ADARB2: variants seen among roughly 807,000 people sequenced by gnomAD.
The protein encoded by ADARB2 is adenosine deaminase RNA specific B2 (inactive).
A neutral mutation model predicts 62.2 loss-of-function variants in ADARB2; 25 were observed. The ratio of observed to expected loss-of-function variants is 0.40; its 90% confidence interval spans 0.29 to 0.56. ADARB2 has a LOEUF of 0.56. Among genes scored for constraint, ADARB2 ranks in the 20% least tolerant of loss-of-function variants. The pLI is 0.43. For missense variants in ADARB2, 1,071 were observed against 1,077.4 expected (o/e 0.99, Z 0.08); for synonymous variants, 572 against 500.8 (o/e 1.14, Z -1.90).
intron 1 of ADARB2, among the ~76,000 whole-genome samples, chr10:1,558,710 G>A (rs1326428602): frequency 1.4e-5 from 2 of 144,548 alleles, no homozygotes; most frequent in African/African-American, 5.2e-5. Context: ...CCCCTTCTGT[G>A]GGTGCTCAGC....
intron 1 of ADARB2, among the ~76,000 whole-genome samples, chr10:1,511,146 G>C (rs1831931610): frequency 6.6e-6 from 1 of 151,762 alleles, no homozygotes; most frequent in South Asian, 2.1e-4. Flanking sequence ...CCTGGCTCCT[G>C]TTCTATTGCT....
At chr10:1,249,717 T>C (rs901153936) in intron 4 of ADARB2, among the ~76,000 whole-genome samples, 7 of 151,962 alleles carry the variant, frequency 4.6e-5, no homozygotes, top group African/African-American at 9.7e-5. Flanking sequence ...GCTGCAGCCA[T>C]TGACGAGCAC....
intron 1 of ADARB2, among the ~76,000 whole-genome samples, chr10:1,628,397 A>C (rs1833799073): frequency 6.6e-6 from 1 of 152,230 alleles, no homozygotes; most frequent in Non-Finnish European, 1.5e-5. Flanking sequence ...GTGTGGCTCT[A>C]AGTGATGCTT....
intron 1 of ADARB2, among the ~76,000 whole-genome samples, chr10:1,624,164 G>A (rs1833739978): frequency 1.3e-5 from 2 of 152,148 alleles, no homozygotes; most frequent in Admixed American, 1.3e-4. Flanking sequence ...AGCCCAGGAG[G>A]CTGAGACCCC....
intron 1 of ADARB2, among the ~76,000 whole-genome samples, chr10:1,434,261 C>T (rs1477438020): frequency 2.0e-5 from 3 of 152,280 alleles, no homozygotes; most frequent in Admixed American, 6.5e-5. Context: ...ATGAGAAATT[C>T]CACATTAACT....
At chr10:1,520,400 C>T (rs890918953) in intron 1 of ADARB2, among the ~76,000 whole-genome samples, 6 of 152,132 alleles carry the variant, frequency 3.9e-5, no homozygotes, top group African/African-American at 9.7e-5. Context: ...TGACTTTTCA[C>T]TTTCATTTTT....
chr10:1,295,208 A>C (rs1365316659), intron 3 of ADARB2, among the ~76,000 whole-genome samples: 1 of 152,058 alleles, frequency 6.6e-6, no homozygotes, highest in Non-Finnish European at 1.5e-5. Flanking sequence ...TGGTTGGCTG[A>C]TTGATGGGGC....
intron 2 of ADARB2, among the ~76,000 whole-genome samples, chr10:1,375,078 G>A (rs540862253): frequency 6.6e-6 from 1 of 152,276 alleles, no homozygotes; most frequent in South Asian, 2.1e-4. Flanking sequence ...ACCCCATGGG[G>A]CTGGGCCTGT....
intron 1 of ADARB2, among the ~76,000 whole-genome samples, chr10:1,611,539 G>A (rs147772394): frequency 2.3e-4 from 35 of 152,284 alleles, no homozygotes; most frequent in African/African-American, 7.5e-4. Context: ...CTCGTGGGAT[G>A]AGAACTCGGC....
intron 1 of ADARB2, among the ~76,000 whole-genome samples, chr10:1,629,579 C>A (rs1404107173): frequency 2.4e-4 from 33 of 139,302 alleles, no homozygotes; most frequent in African/African-American, 7.1e-4. Flanking sequence ...AGCACTCAAG[C>A]CCCTCAGGTC....
rs529757408 is a variant in ADARB2 at position 1,353,326 on chromosome 10, C to A, written c.1077+9702G>T. On this transcript the variant is annotated intron_variant, in intron 3 of 9. Coordinates refer to ENST00000381312, the MANE Select transcript of ADARB2 (RefSeq NM_018702.4). ...AACCTTACCCATTCTCTCCTAGCCG[C>A]TTCTAATCCCTCCTTAGCGAACATC... Among the ~76,000 whole-genome samples, 32 of 152,326 alleles carry A rather than the reference C, an allele frequency of 2.1e-4. No individual in the cohort carries two copies. The South Asian group carries it at 4.8e-3, about 23-fold the overall frequency.
At chr10:1,312,386 A>T (rs1831700295) in intron 3 of ADARB2, among the ~76,000 whole-genome samples, 1 of 152,226 alleles carries the variant, frequency 6.6e-6, no homozygotes. Flanking sequence ...TCTGAGGCTG[A>T]TGCAGCAGGT....
chr10:1,380,482 C>A (rs1381713570), intron 1 of ADARB2, among the ~76,000 whole-genome samples: 1 of 152,246 alleles, frequency 6.6e-6, no homozygotes, highest in Non-Finnish European at 1.5e-5. Context: ...AGTGTGATTT[C>A]TCAAGAAAAC....
At chr10:1,499,719 C>A (rs752133886) in intron 1 of ADARB2, among the ~76,000 whole-genome samples, 14 of 151,854 alleles carry the variant, frequency 9.2e-5, no homozygotes, top group Admixed American at 1.3e-4. Context: ...TCATTCATCA[C>A]TCATATGCAT....
chr10:1,559,229 T>A (rs1358447138), intron 1 of ADARB2, among the ~76,000 whole-genome samples: 2 of 152,210 alleles, frequency 1.3e-5, no homozygotes, highest in Non-Finnish European at 2.9e-5. Flanking sequence ...TACACATTGC[T>A]GTGGGAGAGG....
Position 1,693,238 on chromosome 10 carries a change from C to G in ADARB2, c.100+43813G>C, listed in dbSNP as rs75275774. ...ACCTGCAAGGGGCCTTGGCAACAAT[C>G]CCTACTCAGCGCTTCATTTTCCACA... On this transcript the variant is annotated intron_variant, in intron 1 of 9. Coordinates refer to ENST00000381312, the MANE Select transcript of ADARB2 (RefSeq NM_018702.4). Among the ~76,000 whole-genome samples the G allele has an allele frequency of 6.4e-3, 968 of 152,276 alleles. 12 individuals are homozygous for G. The highest frequency in any genetic ancestry group is 0.022 in the African/African-American group (909 of 41,548).
chr10:1,252,024 A>G (rs1173652792), intron 4 of ADARB2, among the ~76,000 whole-genome samples: 2 of 152,212 alleles, frequency 1.3e-5, no homozygotes, highest in African/African-American at 4.8e-5. Context: ...ACTTTGTTGC[A>G]GCAGCACAAA....
At chr10:1,328,652 T>G (rs1165061663) in intron 3 of ADARB2, among the ~76,000 whole-genome samples, 1 of 152,080 alleles carries the variant, frequency 6.6e-6, no homozygotes, top group Non-Finnish European at 1.5e-5. Flanking sequence ...AAAATCCCCC[T>G]CCAGAGCTTG....
intron 3 of ADARB2, among the ~76,000 whole-genome samples, chr10:1,342,616 C>T (rs774117083): frequency 2.0e-5 from 3 of 152,182 alleles, no homozygotes; most frequent in Non-Finnish European, 2.9e-5. Flanking sequence ...GTCTCAGCCT[C>T]ATCCAGCCCT....
Sources: allele counts gnomAD v4.1 joint callset (sites outside exome capture counted in the v4.1 genomes callset), GRCh38; gene constraint gnomAD v4.1.1; transcripts MANE v1.5; gene names NCBI Gene and HGNC (gene_info 2026-07-23, HGNC 2026-07-21).